PCSK6: variants seen among roughly 807,000 people sequenced by gnomAD.
The protein encoded by PCSK6 is proprotein convertase subtilisin/kexin type 6.
PCSK6 carries 85 observed loss-of-function variants against 123.3 expected under a neutral mutation model. The observed-to-expected ratio is 0.69, with a 90% confidence interval of 0.58 to 0.83. PCSK6 has a LOEUF of 0.83. Ranked by LOEUF, PCSK6 falls within the 40% of genes least tolerant of loss-of-function variation. The pLI, the probability that PCSK6 is intolerant of heterozygous loss-of-function variation, is 0.00. For missense variants in PCSK6, 1,191 were observed against 1,282.3 expected (o/e 0.93, Z 1.09); for synonymous variants, 508 against 516.0 (o/e 0.98, Z 0.21).
intron 6 of PCSK6, among the ~76,000 whole-genome samples, chr15:101,417,568 G>A (rs185743734): frequency 3.5e-3 from 530 of 152,150 alleles, no homozygotes; most frequent in Non-Finnish European, 3.0e-3. Context: ...AAGCTGAAAC[G>A]TACAATTATT....
At chr15:101,435,832 A>G (rs2056583270) in intron 2 of PCSK6, among the ~76,000 whole-genome samples, 2 of 152,200 alleles carry the variant, frequency 1.3e-5, no homozygotes, top group African/African-American at 4.8e-5. Flanking sequence ...GCAGAGACCC[A>G]GGAGGGGGCC....
At chr15:101,425,186 T>C (rs950839371) in intron 6 of PCSK6, among the ~76,000 whole-genome samples, 1 of 152,070 alleles carries the variant, frequency 6.6e-6, no homozygotes, top group African/African-American at 2.4e-5. Context: ...GCAGGCCACA[T>C]AAAGATCGAG....
At chr15:101,481,717 G>C (rs562956394) in intron 1 of PCSK6, among the ~76,000 whole-genome samples, 1 of 152,312 alleles carries the variant, frequency 6.6e-6, no homozygotes, top group South Asian at 2.1e-4. Flanking sequence ...CTGCCACTAA[G>C]GTAGACAGGG....
intron 18 of PCSK6, among the ~76,000 whole-genome samples, chr15:101,320,291 G>C (rs981166741): frequency 2.6e-5 from 4 of 152,092 alleles, no homozygotes; most frequent in Non-Finnish European, 5.9e-5. Flanking sequence ...TCGCCATGTT[G>C]GCCAGGCTGG....
chr15:101,452,119 T>G (rs1399089812), intron 1 of PCSK6, among the ~76,000 whole-genome samples: 1 of 152,258 alleles, frequency 6.6e-6, no homozygotes, highest in East Asian at 1.9e-4. Context: ...AAAATTACTT[T>G]CTTCAACACA....
chr15:101,479,914 G>A (rs1183196743), intron 1 of PCSK6, among the ~76,000 whole-genome samples: 1 of 152,230 alleles, frequency 6.6e-6, no homozygotes, highest in Non-Finnish European at 1.5e-5. Flanking sequence ...AGTCCAGGAA[G>A]GGGGACAGGA....
chr15:101,385,751 A>G (rs896470872), intron 9 of PCSK6, among the ~76,000 whole-genome samples: 1 of 152,252 alleles, frequency 6.6e-6, no homozygotes, highest in Admixed American at 6.5e-5. Flanking sequence ...AGGCTGCTTT[A>G]AAACATGGTA....
intron 13 of PCSK6, among the ~76,000 whole-genome samples, chr15:101,355,586 C>T (rs189208081): frequency 6.6e-6 from 1 of 152,348 alleles, no homozygotes; most frequent in East Asian, 1.9e-4. Flanking sequence ...CCCATGCCTA[C>T]CCAGCAGACC....
intron 6 of PCSK6, among the ~76,000 whole-genome samples, chr15:101,415,022 C>G (rs868610012): frequency 6.6e-6 from 1 of 152,086 alleles, no homozygotes; most frequent in East Asian, 1.9e-4. Context: ...AGCCAAAGTA[C>G]AATTAAAGGG....
At chr15:101,306,598 G>A (rs1416615853) in intron 21 of PCSK6, among the ~76,000 whole-genome samples, 1 of 152,146 alleles carries the variant, frequency 6.6e-6, no homozygotes, top group African/African-American at 2.4e-5. Context: ...GCACCTCCAG[G>A]CCCGAGTCCT....
At chr15:101,363,507 T>C (rs1156865148) in intron 13 of PCSK6, among the ~76,000 whole-genome samples, 1 of 152,242 alleles carries the variant, frequency 6.6e-6, no homozygotes, top group African/African-American at 2.4e-5. Context: ...ACCTTGACTT[T>C]TAATACTCGG....
chr15:101,361,293 A>G (rs148214727), intron 13 of PCSK6, among the ~76,000 whole-genome samples: 391 of 130,958 alleles, frequency 3.0e-3, no homozygotes, highest in African/African-American at 0.011. Context: ...TTGAGTTTAT[A>G]TGTCTCTATC....
At chr15:101,476,962 T>C (rs2057747005) in intron 1 of PCSK6, among the ~76,000 whole-genome samples, 2 of 152,134 alleles carry the variant, frequency 1.3e-5, no homozygotes, top group South Asian at 4.1e-4. Context: ...ACCCAGGGCA[T>C]GTGGGGCGGG....
intron 13 of PCSK6, 135 bp from the exon 14 acceptor site, chr15:101,332,166 G>T: frequency 1.4e-6 from 1 of 737,912 alleles, no homozygotes. Flanking sequence ...CTGGTTACCT[G>T]CTGGCCAGCT....
intron 6 of PCSK6, among the ~76,000 whole-genome samples, chr15:101,420,378 T>G (rs1023766065): frequency 6.6e-6 from 1 of 152,144 alleles, no homozygotes; most frequent in Non-Finnish European, 1.5e-5. Flanking sequence ...CTTTGTTTTT[T>G]TGAGACAGGG....
intron 2 of PCSK6, among the ~76,000 whole-genome samples, chr15:101,432,592 T>A (rs1418388431): frequency 6.7e-6 from 1 of 148,722 alleles, no homozygotes; most frequent in African/African-American, 2.5e-5. Context: ...TTGGTGCCAC[T>A]GCACTCCAGT....
intron 7 of PCSK6, among the ~76,000 whole-genome samples, chr15:101,394,167 G>A (rs1444173903): frequency 6.6e-6 from 1 of 150,502 alleles, no homozygotes; most frequent in Non-Finnish European, 1.5e-5. Context: ...TGAGACAGGG[G>A]TCTTGCTACG....
chr15:101,467,864 C>T (rs1293936817), intron 1 of PCSK6, among the ~76,000 whole-genome samples: 3 of 152,176 alleles, frequency 2.0e-5, no homozygotes, highest in Non-Finnish European at 4.4e-5. Context: ...GCAAGCCACG[C>T]GGACAGTGGC....
chr15:101,325,810 C>T lies in PCSK6; in HGVS notation c.2180+567G>A. ...GAGGGCACACTCATCACAGAAGGGT[C>T]AGCCTGAACCGGGCAACTGGCCATA... On this transcript the variant is annotated intron_variant, in intron 16 of 21. Transcript: ENST00000611716. 1.3e-5 allele frequency among the ~76,000 whole-genome samples: 2 copies of T among 152,206 alleles called. 1 individual carries two copies. Among genetic ancestry groups the T allele is most frequent in the Non-Finnish European group, 2.9e-5 (2 of 68,032 alleles).
Sources: gnomAD v4.1 joint callset for allele counts (sites outside exome capture counted in the v4.1 genomes callset) on GRCh38, gnomAD v4.1.1 for gene constraint, MANE v1.5 for transcripts, NCBI Gene and HGNC (gene_info 2026-07-23, HGNC 2026-07-21) for gene names.